Variants in COL19A1 observed in about 807,000 individuals in gnomAD.
The protein encoded by COL19A1 is collagen alpha-1(XIX) chain.
Under a neutral mutation model 190.2 loss-of-function variants are expected in COL19A1, and 159 were observed. The ratio of observed to expected loss-of-function variants is 0.84; its 90% CI spans 0.73 to 0.95. COL19A1 has a LOEUF of 0.95. Among genes scored for constraint, COL19A1 ranks in the 40% least tolerant of loss-of-function variants. COL19A1 has a pLI of 0.00. For missense variants in COL19A1, 1,418 were observed against 1,431.9 expected (o/e 0.99, Z 0.16); for synonymous variants, 509 against 458.9 (o/e 1.11, Z -1.39).
chr6:70,207,365 T>TG lies in COL19A1; in HGVS notation c.*91_*92insG. The stretch of plus-strand genomic sequence containing the variant: ...CAAACCCTCATCATCTGTGGGTTGC[T>TG]TTTTTTTTTTTTTTTTTTTTTTGGG... On this transcript the variant is annotated 3_prime_UTR_variant, in exon 51 of 51. Coordinates refer to ENST00000620364, the MANE Select transcript of COL19A1 (RefSeq NM_001858.6). 1 of 140,260 alleles carries TG rather than the reference T, an allele frequency of 7.1e-6. No individual in the cohort carries two copies. Among genetic ancestry groups the TG allele is most frequent in the African/African-American group, 8.4e-5 (1 of 11,918 alleles). 8.7% of individuals were successfully genotyped at this position (140,260 alleles called of 1,614,324 possible).
intron 46 of COL19A1, among the ~76,000 whole-genome samples, chr6:70,186,735 C>T (rs955586383): frequency 3.3e-5 from 5 of 152,166 alleles, no homozygotes; most frequent in African/African-American, 1.2e-4. Flanking sequence ...CTCTCTCATT[C>T]TCTCTTGCAC....
At chr6:69,888,362 T>C (rs2502549) in intron 2 of COL19A1, among the ~76,000 whole-genome samples, 72,390 of 152,022 alleles carry the variant, frequency 0.48, 17,580 homozygotes, top group Middle Eastern at 0.59. Context: ...CTTCTGGGTT[T>C]CCTTCCCCAG....
At chr6:70,031,539 C>A (rs1316690245) in intron 12 of COL19A1, among the ~76,000 whole-genome samples, 1 of 152,020 alleles carries the variant, frequency 6.6e-6, no homozygotes, top group Non-Finnish European at 1.5e-5. Context: ...TTTGCTCCCA[C>A]ATGTAAGAAA....
At chr6:70,083,939 A>T (rs1018032444) in intron 15 of COL19A1, among the ~76,000 whole-genome samples, 4 of 152,226 alleles carry the variant, frequency 2.6e-5, no homozygotes, top group African/African-American at 7.2e-5. Flanking sequence ...AAAAAGTATT[A>T]TAAGAGGAAA....
intron 15 of COL19A1, among the ~76,000 whole-genome samples, chr6:70,073,749 C>G (rs1312572203): frequency 6.6e-6 from 1 of 152,006 alleles, no homozygotes; most frequent in Non-Finnish European, 1.5e-5. Flanking sequence ...ATTGCCTTTT[C>G]CTTAAAGAAA....
chr6:69,994,199 T>C lies in COL19A1; in HGVS notation c.1027-29428T>C, dbSNP rs535980490. On this transcript the variant is annotated intron_variant, in intron 11 of 50. Transcript: ENST00000620364. Reference sequence around the variant, plus strand: ...ATGTGGAGATAGATGATAATGATATTATGAAGTCAAGTTTATTAATAAGGA... The same window carrying C: ...ATGTGGAGATAGATGATAATGATATCATGAAGTCAAGTTTATTAATAAGGA... Among the ~76,000 whole-genome samples the C allele has an allele frequency of 2.8e-4, 43 of 152,270 alleles. 1 individual carries two copies. In the South Asian group the frequency reaches 8.7e-3, roughly 31 times the overall value.
At chr6:70,113,966 T>C (rs1404882835) in intron 16 of COL19A1, among the ~76,000 whole-genome samples, 2 of 148,068 alleles carry the variant, frequency 1.4e-5, no homozygotes, top group East Asian at 4.2e-4. Context: ...TTCTCCTGCC[T>C]CAGCTTCCCA....
At chr6:70,150,172 C>A in intron 30 of COL19A1, 127 bp downstream of exon 30, 1 of 980,024 alleles carries the variant, frequency 1.0e-6, no homozygotes, top group Non-Finnish European at 1.6e-6. Context: ...TTTTGTTTAT[C>A]CCCATTATTT....
At chr6:70,152,685 C>T (rs546331148) in intron 31 of COL19A1, among the ~76,000 whole-genome samples, 138 of 152,204 alleles carry the variant, frequency 9.1e-4, no homozygotes, top group African/African-American at 3.2e-3. Context: ...AAGTTCTCAG[C>T]AGTTAAGTAA....
intron 4 of COL19A1, among the ~76,000 whole-genome samples, chr6:69,926,591 C>T (rs1191145031): frequency 1.3e-5 from 2 of 151,950 alleles, no homozygotes; most frequent in Non-Finnish European, 2.9e-5. Flanking sequence ...AATTAGTCTG[C>T]AGATCGGGGG....
intron 4 of COL19A1, among the ~76,000 whole-genome samples, chr6:69,913,680 A>C (rs1771108327): frequency 6.6e-6 from 1 of 152,160 alleles, no homozygotes; most frequent in Non-Finnish European, 1.5e-5. Context: ...GGAGGTAGAG[A>C]AGACTTGAAA....
At chr6:69,998,127 C>T (rs1777030710) in intron 11 of COL19A1, among the ~76,000 whole-genome samples, 1 of 152,056 alleles carries the variant, frequency 6.6e-6, no homozygotes, top group South Asian at 2.1e-4. Flanking sequence ...TTCAATGAAA[C>T]TATCAAAGAT....
chr6:69,992,508 G>C (rs1395246933), intron 11 of COL19A1, among the ~76,000 whole-genome samples: 1 of 152,062 alleles, frequency 6.6e-6, no homozygotes, highest in African/African-American at 2.4e-5. Context: ...TTAGTAGTTT[G>C]ATAGAAATAG....
chr6:69,898,840 A>T, intron 2 of COL19A1, 108 bp from the exon 3 acceptor site: 1 of 698,278 alleles, frequency 1.4e-6, no homozygotes, highest in Non-Finnish European at 2.4e-6. Context: ...ACAGAAATTT[A>T]ATAAATGGTT....
At position 70,101,686 on chromosome 6, in the gene COL19A1, C is replaced by T. The variant is rs189390605; in HGVS notation, c.1225-483C>T. 4.0e-3 allele frequency among the ~76,000 whole-genome samples: 612 copies of T among 152,108 alleles called. 4 individuals are homozygous for T. The highest frequency in any genetic ancestry group is 0.014 in the African/African-American group (594 of 41,492). Reference sequence around the variant, plus strand: ...AAAATGCAGATTCGTGGCTCCGACCCCCGGGATTCTAAACCGTGAATTCTA... The same window carrying T: ...AAAATGCAGATTCGTGGCTCCGACCTCCGGGATTCTAAACCGTGAATTCTA... On this transcript the variant is annotated intron_variant, in intron 15 of 50. Transcript: ENST00000620364.
chr6:70,127,166 G>T (rs1388490876), intron 17 of COL19A1, among the ~76,000 whole-genome samples: 2 of 152,196 alleles, frequency 1.3e-5, no homozygotes, highest in African/African-American at 4.8e-5. Context: ...ACCTTGGTCA[G>T]TTTAGGGAGC....
rs1295325179 is a variant in COL19A1, at chr6:69,959,991, T to G, written c.937-5T>G. On this transcript the variant is annotated splice_region_variant and splice_polypyrimidine_tract_variant and intron_variant, in intron 9 of 50. Coordinates refer to ENST00000620364, the MANE Select transcript of COL19A1 (RefSeq NM_001858.6). ...CATAAACATTATTCTGTGTACTTCT[T>G]TTAGGGTGAAAATGGTTTACATGGT... The G allele has an allele frequency of 6.2e-7, 1 of 1,613,122 alleles. No homozygotes were observed. Among genetic ancestry groups the G allele is most frequent in the Non-Finnish European group, 8.5e-7 (1 of 1,179,568 alleles).
intron 9 of COL19A1, among the ~76,000 whole-genome samples, chr6:69,941,076 G>C (rs1773436836): frequency 6.6e-6 from 1 of 152,134 alleles, no homozygotes; most frequent in African/African-American, 2.4e-5. Flanking sequence ...TTTGTGAAAT[G>C]ATCAGAAGTG....
chr6:70,044,587 C>T (rs1265583496), intron 14 of COL19A1, among the ~76,000 whole-genome samples: 2 of 152,122 alleles, frequency 1.3e-5, no homozygotes, highest in African/African-American at 4.8e-5. Context: ...GACCTAATTT[C>T]AATATTGTTG....
Sources: gnomAD v4.1 joint callset for allele counts (sites outside exome capture counted in the v4.1 genomes callset) on GRCh38, gnomAD v4.1.1 for gene constraint, MANE v1.5 for transcripts, NCBI Gene and HGNC (gene_info 2026-07-23, HGNC 2026-07-21) for gene names.